Variants in CSMD1 observed in about 807,000 individuals in gnomAD.
CSMD1 encodes the protein CUB and sushi domain-containing protein 1.
CSMD1 carries 213 observed loss-of-function variants against 417.5 expected under a neutral mutation model. The ratio of observed to expected loss-of-function variants is 0.51; its 90% CI spans 0.46 to 0.57. CSMD1 has a LOEUF of 0.57. CSMD1 is among the 20% of genes least tolerant of loss of function. The pLI, the probability that CSMD1 is intolerant of heterozygous loss-of-function variation, is 0.00. For synonymous variants in CSMD1, 2,862 were observed against 1,736.8 expected, an observed-to-expected ratio of 1.65 and a Z score of -16.11; for missense variants, 6,923 against 4,529.7, an observed-to-expected ratio of 1.53 and a Z score of -15.17.
At position 4,029,445 on chromosome 8, in the gene CSMD1, G is replaced by A. The variant is rs527958492; in HGVS notation, c.610+2460C>T. On this transcript the variant is annotated intron_variant, in intron 4 of 69. Coordinates refer to ENST00000635120, the MANE Select transcript of CSMD1 (RefSeq NM_033225.6). ...GCCACGTCTTATATGGATAGCAGCA[G>A]GCAAAGTCAGCCTGTGCAGAGAAAC... Among the ~76,000 whole-genome samples, 5 of 152,262 alleles carry A rather than the reference G, an allele frequency of 3.3e-5. No individual in the cohort carries two copies. The South Asian group carries it at 8.3e-4, about 25-fold the overall frequency.
intron 5 of CSMD1, among the ~76,000 whole-genome samples, chr8:3,972,206 T>C (rs1392749063): frequency 6.6e-6 from 1 of 152,108 alleles, no homozygotes; most frequent in Non-Finnish European, 1.5e-5. Flanking sequence ...TATCACTTTG[T>C]TGAAGAAAGC....
At chr8:4,799,910 A>C (rs559929902) in intron 1 of CSMD1, among the ~76,000 whole-genome samples, 1 of 152,280 alleles carries the variant, frequency 6.6e-6, no homozygotes, top group Admixed American at 6.5e-5. Flanking sequence ...AAAATGAACT[A>C]TGCATGCAGC....
chr8:4,577,140 T>C (rs1337919231), intron 2 of CSMD1, among the ~76,000 whole-genome samples: 2 of 152,198 alleles, frequency 1.3e-5, no homozygotes, highest in African/African-American at 4.8e-5. Context: ...TCTGCAATGT[T>C]TCCTTGGGTT....
chr8:3,301,743 G>T (rs556534035), intron 25 of CSMD1, among the ~76,000 whole-genome samples: 1 of 152,146 alleles, frequency 6.6e-6, no homozygotes, highest in African/African-American at 2.4e-5. Context: ...TATGGTTCTG[G>T]GTAAGGAGCT....
chr8:3,211,109 G>C (rs1228121776), intron 30 of CSMD1, among the ~76,000 whole-genome samples: 2 of 152,122 alleles, frequency 1.3e-5, no homozygotes, highest in African/African-American at 2.4e-5. Flanking sequence ...CAGTGATCCA[G>C]TCACGGCTCA....
At chr8:4,396,256 G>A (rs1338615884) in intron 3 of CSMD1, among the ~76,000 whole-genome samples, 2 of 151,640 alleles carry the variant, frequency 1.3e-5, no homozygotes, top group East Asian at 3.9e-4. Flanking sequence ...GAGCCCAGGT[G>A]TTTGAGACCA....
chr8:4,940,356 T>C (rs1401045463), intron 1 of CSMD1, among the ~76,000 whole-genome samples: 3 of 152,348 alleles, frequency 2.0e-5, no homozygotes, highest in Non-Finnish European at 4.4e-5. Flanking sequence ...ATTTTTAAAA[T>C]ATGCAAATTG....
chr8:3,755,171 T>C (rs576323734), intron 5 of CSMD1, among the ~76,000 whole-genome samples: 1 of 152,192 alleles, frequency 6.6e-6, no homozygotes, highest in Non-Finnish European at 1.5e-5. Context: ...ACACATTTAG[T>C]TTTTCAGTGG....
chr8:3,210,925 C>A (rs1054190549), intron 30 of CSMD1, among the ~76,000 whole-genome samples: 2 of 152,022 alleles, frequency 1.3e-5, no homozygotes, highest in Non-Finnish European at 2.9e-5. Context: ...ACTTTTATCT[C>A]CCTCACACTA....
At chr8:4,295,902 G>A (rs551460288) in intron 3 of CSMD1, among the ~76,000 whole-genome samples, 3 of 150,658 alleles carry the variant, frequency 2.0e-5, no homozygotes, top group African/African-American at 7.3e-5. Context: ...TCCATTGCCT[G>A]CTTCACTAAT....
intron 5 of CSMD1, among the ~76,000 whole-genome samples, chr8:3,865,176 G>T (rs1055506246): frequency 6.6e-6 from 1 of 152,154 alleles, no homozygotes; most frequent in African/African-American, 2.4e-5. Flanking sequence ...TGGGTGTAGA[G>T]GCACCTCTGA....
chr8:4,882,249 G>A (rs1445531825), intron 1 of CSMD1, among the ~76,000 whole-genome samples: 2 of 151,924 alleles, frequency 1.3e-5, no homozygotes, highest in South Asian at 2.1e-4. Flanking sequence ...CGTGCCCTGA[G>A]GGTGGATGTC....
chr8:2,949,008 T>C lies in CSMD1; in HGVS notation c.10402+291A>G, dbSNP rs565340793. Among the ~76,000 whole-genome samples the C allele has an allele frequency of 3.3e-5, 5 of 152,094 alleles. No individual in the cohort carries two copies. The East Asian group carries it at 9.7e-4, about 29-fold the overall frequency. Reference sequence around the variant, plus strand: ...TTAAGAACTCTTAGTTTTCTTTGGGTAATATACTTTGCTTATACTTTGATT... The same window carrying C: ...TTAAGAACTCTTAGTTTTCTTTGGGCAATATACTTTGCTTATACTTTGATT... On this transcript the variant is annotated intron_variant, in intron 68 of 69. Coordinates refer to ENST00000635120, the MANE Select transcript of CSMD1 (RefSeq NM_033225.6).
chr8:4,955,048 C>CTGTA (rs755234056), intron 1 of CSMD1, among the ~76,000 whole-genome samples: 5 of 152,132 alleles, frequency 3.3e-5, no homozygotes, highest in Non-Finnish European at 7.4e-5. Context: ...ACATCCATTG[C>CTGTA]TGTATGTCAG....
At chr8:4,788,056 T>G in intron 1 of CSMD1, 1 of 1,594,088 alleles carries the variant, frequency 6.3e-7, no homozygotes, top group Non-Finnish European at 8.6e-7. Context: ...AAGAAAAACT[T>G]TGAGTGGGTT....
chr8:3,246,721 C>A (rs1401258114), intron 26 of CSMD1, among the ~76,000 whole-genome samples: 25 of 152,208 alleles, frequency 1.6e-4, no homozygotes, highest in Non-Finnish European at 1.5e-5. Context: ...ATCTTGCCCG[C>A]CTTGGCATCC....
intron 3 of CSMD1, among the ~76,000 whole-genome samples, chr8:4,129,654 T>G (rs3849823): frequency 6.6e-6 from 1 of 152,056 alleles, no homozygotes; most frequent in African/African-American, 2.4e-5. Flanking sequence ...ATATTCTCTT[T>G]TGTCCCAATG....
chr8:3,291,489 T>G (rs1803555394), intron 25 of CSMD1, among the ~76,000 whole-genome samples: 1 of 152,214 alleles, frequency 6.6e-6, no homozygotes, highest in African/African-American at 2.4e-5. Flanking sequence ...TATTGATTAT[T>G]GCCTCAATTT....
intron 5 of CSMD1, among the ~76,000 whole-genome samples, chr8:3,925,146 C>G (rs191549345): frequency 2.0e-5 from 3 of 152,188 alleles, no homozygotes; most frequent in Non-Finnish European, 4.4e-5. Flanking sequence ...CCAGCTAATC[C>G]ACTTCCCAAA....
Sources: allele counts gnomAD v4.1 joint callset (sites outside exome capture counted in the v4.1 genomes callset), GRCh38; gene constraint gnomAD v4.1.1; transcripts MANE v1.5; gene names NCBI Gene and HGNC (gene_info 2026-07-23, HGNC 2026-07-21).